The following NIPBL variants were observed in gnomAD, a reference collection of about 807,000 sequenced individuals.
NIPBL encodes the protein NIPBL cohesin loading factor.
Under a neutral mutation model 321.8 loss-of-function variants are expected in NIPBL, and 19 were observed. The observed-to-expected ratio is 0.06, with a 90% CI of 0.04 to 0.09. The LOEUF is 0.09. NIPBL is among the 10% of genes least tolerant of loss of function. NIPBL has a pLI of 1.00. For missense variants in NIPBL, 2,210 were observed against 3,327.0 expected (o/e 0.66, Z 8.26); for synonymous variants, 1,106 against 1,114.1 (o/e 0.99, Z 0.14).
chr5:37,038,661 T>C lies in NIPBL; in HGVS notation c.6031T>C (p.Leu2011=). 3.1e-6 allele frequency: 5 copies of C among 1,613,906 alleles called. No individual in the cohort carries two copies. The highest frequency in any genetic ancestry group is 4.2e-6 in the Non-Finnish European group (5 of 1,179,884). Residue 2011 remains leucine (L), a synonymous_variant, in exon 34 of 47, where the codon TTA becomes CTA. Coordinates refer to ENST00000282516, the MANE Select transcript of NIPBL (RefSeq NM_133433.4). ...RLVACITTLF[L]FSKIRPQLMV... is the part of the protein sequence containing the mutation. ...GGTAGCTTGCATAACCACTTTGTTC[T>C]TATTCAGCAAAATAAGACCCCAGCT...
intron 43 of NIPBL, 109 bp downstream of exon 43, chr5:37,057,441 ATCTT>A (rs1345238240): frequency 1.8e-5 from 21 of 1,135,700 alleles, no homozygotes; most frequent in African/African-American, 3.1e-5. Context: ...AGTATATAAA[ATCTT>A]TCTAAGTGAA....
At chr5:36,892,238 A>T (rs1580159405) in intron 1 of NIPBL, among the ~76,000 whole-genome samples, 1 of 152,314 alleles carries the variant, frequency 6.6e-6, no homozygotes, top group East Asian at 1.9e-4. Context: ...CTGCAATAAG[A>T]TACCATCTCA....
At chr5:36,914,726 A>G (rs1748325894) in intron 1 of NIPBL, among the ~76,000 whole-genome samples, 1 of 152,214 alleles carries the variant, frequency 6.6e-6, no homozygotes, top group Non-Finnish European at 1.5e-5. Flanking sequence ...TTCAGTGACA[A>G]ACAGTGGCTT....
intron 32 of NIPBL, among the ~76,000 whole-genome samples, chr5:37,036,110 T>TA (rs991242931): frequency 1.3e-5 from 2 of 151,994 alleles, no homozygotes; most frequent in African/African-American, 4.8e-5. Flanking sequence ...CCTTAGGTCT[T>TA]ACACAGCAAT....
rs749056969 is a variant in NIPBL, at chr5:37,003,333, A to G, written c.3841A>G (p.Thr1281Ala). 2 of 1,595,306 alleles carry G rather than the reference A, an allele frequency of 1.3e-6. No individual in the cohort carries two copies. Among genetic ancestry groups the G allele is most frequent in the South Asian group, 2.2e-5 (2 of 90,456 alleles). Reference sequence around the variant, plus strand: ...TATTCAGGATGGGTCAAAGCTTTCCACTTTGTTAAATCATGTAAGTTTAAG... The same window carrying G: ...TATTCAGGATGGGTCAAAGCTTTCCGCTTTGTTAAATCATGTAAGTTTAAG... Reference protein sequence around the residue: ...KNIQDGSKLSTLLNHNNDTEE... With the variant: ...KNIQDGSKLSALLNHNNDTEE... The change falls in exon 16 of 47, where the codon ACT becomes GCT. Residue 1281 changes from threonine (T) to alanine (A), a missense_variant. Coordinates refer to ENST00000282516, the MANE Select transcript of NIPBL (RefSeq NM_133433.4).
rs762487890 is a variant in NIPBL at position 36,962,268 on chromosome 5, C to A, written c.604C>A (p.Gln202Lys). 3 of 1,613,910 alleles carry A rather than the reference C, an allele frequency of 1.9e-6. No homozygotes were observed. In the African/African-American group the frequency reaches 4.0e-5, roughly 22 times the overall value. The change falls in exon 6 of 47, where the codon CAA becomes AAA. Residue 202 changes from glutamine (Q) to lysine (K), a missense_variant. Physicochemically the swap from Gln to Lys is moderately conservative, Grantham distance 53. This residue lies in a region of NIPBL where 464 missense variants were observed against 529.5 expected (regional missense o/e 0.88). Transcript: ENST00000282516. ...PSSYTTHPQM[Q>K]QASVSSPIVA... ...AAGTTACACAACACATCCACAGATG[C>A]AACAAGGTAAGAAAGTTGTTTGTAA...
chr5:37,017,450 GT>G (rs1749118342), intron 24 of NIPBL, among the ~76,000 whole-genome samples: 1 of 151,912 alleles, frequency 6.6e-6, no homozygotes, highest in South Asian at 2.1e-4. Flanking sequence ...TTTTATTTAA[GT>G]TTTTAATTTA....
intron 21 of NIPBL, among the ~76,000 whole-genome samples, chr5:37,013,670 C>T (rs1208496976): frequency 2.6e-5 from 4 of 151,914 alleles, no homozygotes; most frequent in Non-Finnish European, 5.9e-5. Context: ...AAGAGGCGCT[C>T]CTCACTTCCT....
chr5:36,923,187 T>C (rs971588546), intron 1 of NIPBL, among the ~76,000 whole-genome samples: 1 of 152,004 alleles, frequency 6.6e-6, no homozygotes, highest in African/African-American at 2.4e-5. Context: ...GCACCTGTAG[T>C]CCCAGCTACT....
rs1194267817 is a variant in NIPBL, at chr5:37,049,309, T to G, written c.6954+8T>G. 1.5e-5 allele frequency: 25 copies of G among 1,613,754 alleles called. No homozygotes were observed. Among genetic ancestry groups the G allele is most frequent in the Non-Finnish European group, 2.0e-5 (24 of 1,179,816 alleles). ...CTTATTCATCCAGTTCAGGTAAGCA[T>G]GTTTTATGGCAGCAGCACTTACTAA... On this transcript the variant is annotated splice_region_variant and intron_variant, in intron 40 of 46. Coordinates refer to ENST00000282516, the MANE Select transcript of NIPBL (RefSeq NM_133433.4).
intron 40 of NIPBL, chr5:37,051,008 G>C (rs943968597): frequency 2.6e-5 from 4 of 152,278 alleles, no homozygotes; most frequent in Admixed American, 6.5e-5. Flanking sequence ...TTGTGTTTTT[G>C]TAGAGACGGG....
chr5:36,952,071 C>CGT (rs1561070457), intron 1 of NIPBL, among the ~76,000 whole-genome samples: 3 of 125,824 alleles, frequency 2.4e-5, no homozygotes, highest in Non-Finnish European at 5.2e-5. Context: ...CGCGCGCGCG[C>CGT]GCATGTGTGT....
At chr5:36,990,192 G>A (rs138037434) in intron 10 of NIPBL, among the ~76,000 whole-genome samples, 173 of 152,264 alleles carry the variant, frequency 1.1e-3, no homozygotes, top group Non-Finnish European at 1.9e-3. Flanking sequence ...AGTCAATAGC[G>A]ATTAGCCTAT....
chr5:36,969,210 G>A (rs1044047173), intron 6 of NIPBL, among the ~76,000 whole-genome samples: 4 of 152,064 alleles, frequency 2.6e-5, no homozygotes, highest in Non-Finnish European at 5.9e-5. Context: ...ACTCAATAGG[G>A]TAAAGATTAT....
chr5:37,059,256 C>G, intron 44 of NIPBL, 91 bp downstream of exon 44: 1 of 1,424,964 alleles, frequency 7.0e-7, no homozygotes. Context: ...CCTGTAATCC[C>G]AACATTTTGG....
At chr5:37,062,882 T>G (rs1579622835) in intron 45 of NIPBL, among the ~76,000 whole-genome samples, 1 of 151,774 alleles carries the variant, frequency 6.6e-6, no homozygotes, top group African/African-American at 2.4e-5. Context: ...ATCGTGCCAC[T>G]GCACTTCAGC....
intron 1 of NIPBL, among the ~76,000 whole-genome samples, chr5:36,894,613 ATACT>A (rs1258441008): frequency 1.3e-5 from 2 of 152,008 alleles, no homozygotes; most frequent in Non-Finnish European, 2.9e-5. Flanking sequence ...TATCCAAATC[ATACT>A]TTCTTTCTAT....
intron 1 of NIPBL, among the ~76,000 whole-genome samples, chr5:36,911,313 G>T (rs192831380): frequency 7.2e-5 from 11 of 152,270 alleles, no homozygotes; most frequent in Admixed American, 2.6e-4. Context: ...TTTCTCATGT[G>T]CAGGGGCAGA....
chr5:37,038,136 C>A (rs1561196194), intron 33 of NIPBL, among the ~76,000 whole-genome samples: 1 of 151,992 alleles, frequency 6.6e-6, no homozygotes, highest in Non-Finnish European at 1.5e-5. Flanking sequence ...ACTACAAGTG[C>A]ACATCACCAC....
Sources: allele counts gnomAD v4.1 joint callset (sites outside exome capture counted in the v4.1 genomes callset), GRCh38; gene constraint gnomAD v4.1.1; regional missense constraint gnomAD v4.1.1; transcripts MANE v1.5; gene names NCBI Gene and HGNC (gene_info 2026-07-23, HGNC 2026-07-21).